The following RNLS variants were observed in gnomAD, a reference collection of about 807,000 sequenced individuals.
The protein encoded by RNLS is renalase.
A neutral mutation model predicts 39.8 loss-of-function variants in RNLS; 39 were observed. The ratio of observed to expected loss-of-function variants is 0.98; its 90% CI spans 0.76 to 1.28. The LOEUF (loss-of-function observed/expected upper bound fraction) is 1.28, where lower values mean the gene tolerates loss of function less well. Ranked by LOEUF, RNLS falls within the 50% of genes most tolerant of loss-of-function variation. RNLS has a pLI of 0.00. For synonymous variants in RNLS, 147 were observed against 150.7 expected (o/e 0.98, Z 0.18); for missense variants, 410 against 413.3 (o/e 0.99, Z 0.07).
At chr10:88,218,174 G>A in the RNLS span, among the ~76,000 whole-genome samples, 1 of 152,250 alleles carries the variant, frequency 6.6e-6, no homozygotes, top group Non-Finnish European at 1.5e-5. Flanking sequence ...CACTATGGTG[G>A]CCTGCCCTCA....
At chr10:88,352,809 G>A (rs945041607) in intron 5 of RNLS, among the ~76,000 whole-genome samples, 7 of 152,286 alleles carry the variant, frequency 4.6e-5, no homozygotes, top group East Asian at 1.9e-4. Context: ...GGTGGAATTC[G>A]GTGGTGAATC....
the RNLS span, among the ~76,000 whole-genome samples, chr10:88,243,360 T>C: frequency 6.6e-6 from 1 of 152,242 alleles, no homozygotes; most frequent in African/African-American, 2.4e-5. Context: ...TGCTAACCCA[T>C]TTTATTTTCA....
At chr10:88,300,021 T>C (rs1844397637) in intron 6 of RNLS, among the ~76,000 whole-genome samples, 1 of 152,216 alleles carries the variant, frequency 6.6e-6, no homozygotes, top group Admixed American at 6.5e-5. Flanking sequence ...GGTGTCATAA[T>C]TGGGAGAAAG....
intron 4 of RNLS, among the ~76,000 whole-genome samples, chr10:88,434,192 G>T (rs916914338): frequency 3.9e-5 from 6 of 152,134 alleles, no homozygotes; most frequent in Non-Finnish European, 8.8e-5. Context: ...CTAATTCTTT[G>T]ATGTATGCTT....
chr10:88,344,484 G>A (rs1374463509), intron 5 of RNLS, among the ~76,000 whole-genome samples: 1 of 152,002 alleles, frequency 6.6e-6, no homozygotes, highest in Non-Finnish European at 1.5e-5. Flanking sequence ...TATTTTGACA[G>A]GAAAAACAAC....
chr10:88,339,754 T>A (rs977288671), intron 5 of RNLS, among the ~76,000 whole-genome samples: 3 of 152,208 alleles, frequency 2.0e-5, no homozygotes, highest in Non-Finnish European at 2.9e-5. Context: ...TATTCTAAAT[T>A]CCACTATAAA....
chr10:88,399,332 G>A lies in RNLS; in HGVS notation c.527-36607C>T, dbSNP rs79629281. Among the ~76,000 whole-genome samples, 90 of 152,090 alleles carry A rather than the reference G, an allele frequency of 5.9e-4. No individual in the cohort carries two copies. In the East Asian group the frequency reaches 0.015, roughly 25 times the overall value. On this transcript the variant is annotated intron_variant, in intron 4 of 6. Transcript: ENST00000331772. ...GACAGAAACTTGTACATGAATGTTC[G>A]TAAAATTTTTATAGCAATAATATTT...
At chr10:88,405,086 T>A (rs145744485) in intron 4 of RNLS, among the ~76,000 whole-genome samples, 296 of 152,186 alleles carry the variant, frequency 1.9e-3, no homozygotes, top group African/African-American at 6.3e-3. Context: ...TCTCTGGGGA[T>A]CTTTAAGCAC....
the RNLS span, among the ~76,000 whole-genome samples, chr10:88,262,363 C>A: frequency 6.6e-6 from 1 of 152,044 alleles, no homozygotes; most frequent in South Asian, 2.1e-4. Flanking sequence ...GGTCTCATGG[C>A]CTTTATTTAT....
chr10:88,549,264 TA>T (rs1304720439), intron 4 of RNLS, among the ~76,000 whole-genome samples: 20 of 117,890 alleles, frequency 1.7e-4, no homozygotes, highest in African/African-American at 1.4e-4. Context: ...AAAGTAAAAC[TA>T]AAAAAAAAAT....
At chr10:88,410,311 C>T (rs1358802417) in intron 4 of RNLS, among the ~76,000 whole-genome samples, 2 of 151,728 alleles carry the variant, frequency 1.3e-5, no homozygotes, top group South Asian at 2.1e-4. Flanking sequence ...TGATTTTTAC[C>T]ATATAATTGT....
At chr10:88,291,725 T>G (rs1231981654) in intron 6 of RNLS, among the ~76,000 whole-genome samples, 1 of 152,102 alleles carries the variant, frequency 6.6e-6, no homozygotes, top group Non-Finnish European at 1.5e-5. Flanking sequence ...TCCTTTCCCA[T>G]TAAATTACTA....
At chr10:88,259,251 A>C in the RNLS span, 1 of 152,144 alleles carries the variant, frequency 6.6e-6, no homozygotes, top group Non-Finnish European at 1.5e-5. Flanking sequence ...AAAGATTCTC[A>C]CTCCTATCTG....
chr10:88,350,470 G>A (rs567696926), intron 5 of RNLS, among the ~76,000 whole-genome samples: 1 of 152,128 alleles, frequency 6.6e-6, no homozygotes, highest in East Asian at 1.9e-4. Context: ...CTATGAGTGA[G>A]AACATGCGGT....
At chr10:88,265,580 A>G in the RNLS span, among the ~76,000 whole-genome samples, 1 of 151,860 alleles carries the variant, frequency 6.6e-6, no homozygotes, top group African/African-American at 2.4e-5. Flanking sequence ...TTGGTTAGGT[A>G]TATTCCTAGG....
At chr10:88,355,971 G>A (rs792228) in intron 5 of RNLS, among the ~76,000 whole-genome samples, 126,607 of 152,206 alleles carry the variant, frequency 0.83, 52,786 homozygotes, top group African/African-American at 0.88. Context: ...CTGCTGTGCT[G>A]GCAACGAGAG....
In RNLS at chr10:88,489,149, G is replaced by A. The variant is rs139403006; in HGVS notation, c.526+83754C>T. ...TCAATTTAAAAAAGAAAAAAGAGAG[G>A]CCTGTGTTCTATATGTGGAGAGGTC... On this transcript the variant is annotated intron_variant, in intron 4 of 6. Transcript: ENST00000331772. 3.9e-3 allele frequency among the ~76,000 whole-genome samples: 593 copies of A among 152,212 alleles called. 3 individuals carry two copies. Among genetic ancestry groups the A allele is most frequent in the African/African-American group, 0.014 (565 of 41,550 alleles).
intron 4 of RNLS, among the ~76,000 whole-genome samples, chr10:88,480,941 C>T (rs997006862): frequency 6.6e-6 from 1 of 151,976 alleles, no homozygotes; most frequent in Non-Finnish European, 1.5e-5. Flanking sequence ...CAATTCAGTT[C>T]CATGATTTGT....
chr10:88,380,023 T>C (rs1255035745), intron 4 of RNLS, among the ~76,000 whole-genome samples: 7 of 152,132 alleles, frequency 4.6e-5, no homozygotes. Context: ...CTGTCCAAAA[T>C]TCTGACCCAC....
Sources: allele counts gnomAD v4.1 joint callset (sites outside exome capture counted in the v4.1 genomes callset), GRCh38; gene constraint gnomAD v4.1.1; transcripts MANE v1.5; gene names NCBI Gene and HGNC (gene_info 2026-07-23, HGNC 2026-07-21).